The following TBC1D5 variants were observed in gnomAD, a reference collection of about 807,000 sequenced individuals.
The protein encoded by TBC1D5 is TBC1 domain family, member 5.
Under a neutral mutation model 100.3 loss-of-function variants are expected in TBC1D5, and 75 were observed. The ratio of observed to expected loss-of-function variants is 0.75; its 90% CI spans 0.62 to 0.91. The LOEUF is 0.91. TBC1D5 is among the 40% of genes least tolerant of loss of function. The pLI, the probability that TBC1D5 is intolerant of heterozygous loss-of-function variation, is 0.00. For synonymous variants in TBC1D5, 323 were observed against 325.6 expected (o/e 0.99, Z 0.09); for missense variants, 910 against 942.4 (o/e 0.97, Z 0.45).
At chr3:17,157,574 AG>A (rs1182741579) in exon 22 of TBC1D5, 4 of 98,568 alleles carry the variant, frequency 4.1e-5, no homozygotes, top group African/African-American at 1.4e-4. Flanking sequence ...GGCAGGGGCC[AG>A]GGGCCAGGTG....
chr3:17,285,197 A>G (rs2081039716), intron 15 of TBC1D5, among the ~76,000 whole-genome samples: 2 of 151,678 alleles, frequency 1.3e-5, no homozygotes, highest in African/African-American at 4.8e-5. Context: ...AAGTAAATAA[A>G]TGGATATAGT....
intron 1 of TBC1D5, among the ~76,000 whole-genome samples, chr3:17,713,859 G>A (rs2074992548): frequency 6.6e-6 from 1 of 152,060 alleles, no homozygotes; most frequent in Non-Finnish European, 1.5e-5. Flanking sequence ...GGCAAAGTAG[G>A]GAGCTCCAAG....
chr3:17,240,516 T>C (rs780212864), intron 16 of TBC1D5, among the ~76,000 whole-genome samples: 9 of 152,178 alleles, frequency 5.9e-5, no homozygotes, highest in Non-Finnish European at 1.0e-4. Flanking sequence ...ACATTTACTA[T>C]AGGCTGGCAA....
chr3:17,550,340 C>G (rs2096461571), intron 2 of TBC1D5, among the ~76,000 whole-genome samples: 2 of 152,082 alleles, frequency 1.3e-5, no homozygotes, highest in Admixed American at 6.5e-5. Context: ...CTTGCTGATT[C>G]CTATCTGCAG....
At chr3:17,585,389 T>C (rs2096726650) in intron 2 of TBC1D5, among the ~76,000 whole-genome samples, 1 of 152,110 alleles carries the variant, frequency 6.6e-6, no homozygotes, top group African/African-American at 2.4e-5. Context: ...AATAAAGAAA[T>C]ATACACCTTA....
At chr3:17,339,956 T>C (rs1236538751) in intron 13 of TBC1D5, among the ~76,000 whole-genome samples, 1 of 152,182 alleles carries the variant, frequency 6.6e-6, no homozygotes, top group Non-Finnish European at 1.5e-5. Flanking sequence ...TATAGCAGTA[T>C]ATGTTTGCTT....
intron 3 of TBC1D5, among the ~76,000 whole-genome samples, chr3:17,502,763 G>T (rs1031482770): frequency 6.7e-6 from 1 of 149,222 alleles, no homozygotes; most frequent in Non-Finnish European, 1.5e-5. Flanking sequence ...TCTTTCTCTA[G>T]ATTTCCCTGT....
chr3:17,343,156 A>G (rs1467862499), intron 13 of TBC1D5, among the ~76,000 whole-genome samples: 4 of 152,234 alleles, frequency 2.6e-5, no homozygotes, highest in African/African-American at 4.8e-5. Flanking sequence ...TACCTAATTT[A>G]TTGAGAGTTT....
At chr3:17,637,968 AAATT>A (rs2064119549) in intron 1 of TBC1D5, among the ~76,000 whole-genome samples, 1 of 152,208 alleles carries the variant, frequency 6.6e-6, no homozygotes, top group Non-Finnish European at 1.5e-5. Context: ...TACTATTAGG[AAATT>A]AATTAAGCAA....
chr3:17,391,106 G>T (rs1332934608), intron 8 of TBC1D5, among the ~76,000 whole-genome samples: 5 of 152,078 alleles, frequency 3.3e-5, no homozygotes, highest in African/African-American at 1.2e-4. Flanking sequence ...AAAAGAACAT[G>T]GGGAAGACCT....
intron 8 of TBC1D5, among the ~76,000 whole-genome samples, chr3:17,396,026 C>A (rs1427046919): frequency 6.6e-6 from 1 of 152,014 alleles, no homozygotes; most frequent in Non-Finnish European, 1.5e-5. Context: ...TTTCATATTC[C>A]TGAAAATCTG....
intron 3 of TBC1D5, among the ~76,000 whole-genome samples, chr3:17,471,501 G>T (rs918637124): frequency 2.0e-5 from 3 of 152,062 alleles, no homozygotes; most frequent in African/African-American, 7.2e-5. Context: ...CCTGGTATTT[G>T]TAAAAGATGT....
intron 13 of TBC1D5, among the ~76,000 whole-genome samples, chr3:17,352,454 T>G (rs557821526): frequency 6.6e-6 from 1 of 151,986 alleles, no homozygotes; most frequent in African/African-American, 2.4e-5. Context: ...AGAAATAAAT[T>G]TTTTAAAAAT....
chr3:17,383,339 TA>T (rs1434741740), intron 9 of TBC1D5, among the ~76,000 whole-genome samples: 1 of 151,666 alleles, frequency 6.6e-6, no homozygotes, highest in East Asian at 1.9e-4. Context: ...TAAACTTAAA[TA>T]AAAAATGTAA....
intron 14 of TBC1D5, 31 bp downstream of exon 14, chr3:17,307,961 G>A: frequency 6.3e-7 from 1 of 1,583,614 alleles, no homozygotes; most frequent in African/African-American, 1.4e-5. Flanking sequence ...GGAGTACCTA[G>A]TCAAATGTAG....
chr3:17,372,934 A>C (rs2092539555), intron 12 of TBC1D5, among the ~76,000 whole-genome samples: 1 of 152,142 alleles, frequency 6.6e-6, no homozygotes, highest in Non-Finnish European at 1.5e-5. Flanking sequence ...ACAGCCAGAG[A>C]GTAAATATTT....
intron 3 of TBC1D5, among the ~76,000 whole-genome samples, chr3:17,487,428 C>A (rs1576309079): frequency 6.6e-6 from 1 of 152,076 alleles, no homozygotes; most frequent in African/African-American, 2.4e-5. Flanking sequence ...TTGAAAAGCA[C>A]TTTGCTCACT....
At chr3:17,424,149 T>A (rs1279322628) in intron 4 of TBC1D5, among the ~76,000 whole-genome samples, 1 of 152,160 alleles carries the variant, frequency 6.6e-6, no homozygotes, top group Admixed American at 6.5e-5. Flanking sequence ...CATAGGGTAA[T>A]AAAACAAAAG....
chr3:17,724,709 C>T (rs2075981772), intron 1 of TBC1D5, among the ~76,000 whole-genome samples: 1 of 152,126 alleles, frequency 6.6e-6, no homozygotes, highest in Non-Finnish European at 1.5e-5. Context: ...CTATTCCTTT[C>T]CCATTATTTT....
Sources: gnomAD v4.1 joint callset for allele counts (sites outside exome capture counted in the v4.1 genomes callset) on GRCh38, gnomAD v4.1.1 for gene constraint, MANE v1.5 for transcripts, NCBI Gene and HGNC (gene_info 2026-07-23, HGNC 2026-07-21) for gene names.